Variants in IKBIP observed in about 807,000 individuals in gnomAD.
IKBIP encodes inhibitor of nuclear factor kappa-B kinase-interacting protein.
IKBIP carries 28 observed loss-of-function variants against 31.0 expected under a neutral mutation model. The observed-to-expected ratio is 0.90, with a 90% confidence interval of 0.67 to 1.24. IKBIP has a LOEUF of 1.24. IKBIP is among the 50% of genes most tolerant of loss of function. The pLI is 0.00. For missense variants in IKBIP, 453 were observed against 441.9 expected, an observed-to-expected ratio of 1.03 and a Z score of -0.23; for synonymous variants, 164 against 160.3, an observed-to-expected ratio of 1.02 and a Z score of -0.17.
chr12:98,637,462 G>A (rs1258784831), intron 1 of IKBIP, among the ~76,000 whole-genome samples: 1 of 152,176 alleles, frequency 6.6e-6, no homozygotes, highest in Admixed American at 6.5e-5. Context: ...AGGCTGGAGT[G>A]CAGTGGCACG....
intron 2 of IKBIP, among the ~76,000 whole-genome samples, chr12:98,632,475 C>T (rs569184372): frequency 2.4e-3 from 165 of 68,006 alleles, no homozygotes; most frequent in African/African-American, 9.8e-3. Context: ...CAGGGAGAGA[C>T]TCTATCTGAA....
At chr12:98,617,790 A>T (rs2097607077) in intron 2 of IKBIP, among the ~76,000 whole-genome samples, 1 of 152,260 alleles carries the variant, frequency 6.6e-6, no homozygotes, top group Non-Finnish European at 1.5e-5. Context: ...AAAGACAGAT[A>T]TACAGTAATT....
intron 2 of IKBIP, among the ~76,000 whole-genome samples, chr12:98,628,555 T>C (rs772104757): frequency 3.3e-5 from 5 of 152,228 alleles, no homozygotes; most frequent in Non-Finnish European, 5.9e-5. Flanking sequence ...ATTTCTTCCA[T>C]AGCCCTAGCC....
chr12:98,613,617 C>A (rs780853722), exon 3 of IKBIP: 3 of 1,532,916 alleles, frequency 2.0e-6, no homozygotes, highest in Non-Finnish European at 2.7e-6. Context: ...GCTATTTCAT[C>A]TTTAATATCC....
At chr12:98,621,000 C>A (rs1015836575), downstream of IKBIP, among the ~76,000 whole-genome samples, 5 of 152,122 alleles carry the variant, frequency 3.3e-5, no homozygotes, top group African/African-American at 1.2e-4. Flanking sequence ...GTAATCCCAG[C>A]ACTTTGGGAG....
chr12:98,632,035 T>C (rs1301629428), intron 2 of IKBIP, among the ~76,000 whole-genome samples: 2 of 151,632 alleles, frequency 1.3e-5, no homozygotes, highest in Admixed American at 6.6e-5. Flanking sequence ...TTTGTATTTT[T>C]AGTAGAGATG....
chr12:98,642,181 T>C (rs1187565605), intron 1 of IKBIP, among the ~76,000 whole-genome samples: 2 of 152,232 alleles, frequency 1.3e-5, no homozygotes, highest in Non-Finnish European at 2.9e-5. Flanking sequence ...CTTATTTATT[T>C]AGGCGAAGTC....
rs1193905260 is a variant in IKBIP, at chr12:98,626,744, A to G, written c.320T>C (p.Leu107Pro). The change falls in exon 3 of 3, where the codon CTG becomes CCG. Residue 107 changes from leucine to proline, a missense_variant. Leu to Pro is a moderately conservative substitution (Grantham distance 98). Coordinates refer to ENST00000299157, the MANE Select transcript of IKBIP (RefSeq NM_153687.4). ...SEKLESTESI[L>P]QEATSSMSLM... ...AGACATGGATGATGTAGCTTCCTGC[A>G]GGATGCTTTCAGTAGACTCAAGCTG... 6.2e-7 allele frequency: 1 copy of G among 1,607,514 alleles called. No homozygotes were observed. Among genetic ancestry groups the G allele is most frequent in the African/African-American group, 1.3e-5 (1 of 74,870 alleles).
intron 2 of IKBIP, among the ~76,000 whole-genome samples, chr12:98,616,964 G>T (rs1419213263): frequency 1.3e-5 from 2 of 152,118 alleles, no homozygotes; most frequent in African/African-American, 4.8e-5. Context: ...GCTATTCGGG[G>T]TCTAAGGCAA....
exon 3 of IKBIP, chr12:98,614,216 T>A: frequency 6.2e-7 from 1 of 1,613,928 alleles, no homozygotes; most frequent in Non-Finnish European, 8.5e-7. Context: ...GTTCAGTATA[T>A]CCTGTTTTTC....
intron 2 of IKBIP, among the ~76,000 whole-genome samples, chr12:98,616,784 A>G (rs1022465304): frequency 1.1e-4 from 16 of 151,968 alleles, no homozygotes; most frequent in Non-Finnish European, 1.6e-4. Context: ...GATGAGAATC[A>G]TTTGAACATA....
chr12:98,615,523 CCCGGCCT>C (rs1257049922), intron 2 of IKBIP, among the ~76,000 whole-genome samples: 1 of 152,166 alleles, frequency 6.6e-6, no homozygotes, highest in Non-Finnish European at 1.5e-5. Flanking sequence ...AGCCATCGCG[CCCGGCCT>C]CTTAGCAATT....
At chr12:98,640,902 C>T (rs1481595443) in intron 1 of IKBIP, among the ~76,000 whole-genome samples, 3 of 152,094 alleles carry the variant, frequency 2.0e-5, no homozygotes, top group Non-Finnish European at 4.4e-5. Context: ...GCTGGGACTA[C>T]AGGCATGCGC....
At chr12:98,615,087 A>G (rs1209452479) in intron 2 of IKBIP, among the ~76,000 whole-genome samples, 1 of 152,192 alleles carries the variant, frequency 6.6e-6, no homozygotes, top group Non-Finnish European at 1.5e-5. Context: ...TTAAAATTGT[A>G]TATATTTATT....
rs2097613503 is a variant in IKBIP at position 98,625,616 on chromosome 12, TG to T, written c.*313del. On this transcript the variant is annotated 3_prime_UTR_variant, in exon 3 of 3. Transcript: ENST00000299157. ...TAGCCCCTGGAGACATCAATATATG[TG>T]GGTACAATATAATAGGTGAAATTAA... 6.1e-6 allele frequency: 1 copy of T among 162,616 alleles called. No individual in the cohort carries two copies. The highest frequency in any genetic ancestry group is 1.3e-5 in the Non-Finnish European group (1 of 75,586). The allele number at this position is 162,616 out of a possible 1,614,324, so 10.1% of individuals were successfully genotyped here. A position where few individuals can be genotyped will look rare whatever the true frequency, so the allele number is the denominator to read the frequency against.
intron 2 of IKBIP, among the ~76,000 whole-genome samples, chr12:98,632,465 C>G (rs1354877967): frequency 1.0e-5 from 1 of 98,264 alleles, no homozygotes; most frequent in African/African-American, 4.1e-5. Context: ...GCTGGGATGA[C>G]AGGGAGAGAC....
chr12:98,633,687 T>C (rs1387678692), intron 2 of IKBIP, among the ~76,000 whole-genome samples: 1 of 151,934 alleles, frequency 6.6e-6, no homozygotes, highest in Non-Finnish European at 1.5e-5. Flanking sequence ...AGCTAATTTT[T>C]GTATTTTTAC....
At chr12:98,641,040 T>A (rs1593001844) in intron 1 of IKBIP, among the ~76,000 whole-genome samples, 1 of 152,172 alleles carries the variant, frequency 6.6e-6, no homozygotes, top group African/African-American at 2.4e-5. Context: ...GGATTACAGG[T>A]GGGAGCCACC....
At chr12:98,623,955 ATATC>A (rs1355593887), downstream of IKBIP, among the ~76,000 whole-genome samples, 2 of 151,296 alleles carry the variant, frequency 1.3e-5, no homozygotes, top group East Asian at 3.9e-4. Flanking sequence ...AATACAGGAT[ATATC>A]TATCTAGATA....
Sources: gnomAD v4.1 joint callset for allele counts (sites outside exome capture counted in the v4.1 genomes callset) on GRCh38, gnomAD v4.1.1 for gene constraint, MANE v1.5 for transcripts, NCBI Gene and HGNC (gene_info 2026-07-23, HGNC 2026-07-21) for gene names.